Variants in ABR observed in about 807,000 individuals in gnomAD.
ABR encodes ABR activator of RhoGEF and GTPase.
A neutral mutation model predicts 107.2 loss-of-function variants in ABR; 35 were observed. The ratio of observed to expected loss-of-function variants is 0.33; its 90% CI spans 0.25 to 0.43. The LOEUF (loss-of-function observed/expected upper bound fraction) is 0.43, where lower values mean the gene tolerates loss of function less well. Ranked by LOEUF, ABR falls within the 20% of genes least tolerant of loss-of-function variation. ABR has a pLI of 1.00. For synonymous variants in ABR, 498 were observed against 462.0 expected (o/e 1.08, Z -1.00); for missense variants, 815 against 1,115.2 (o/e 0.73, Z 3.83).
intron 3 of ABR, 30 bp from the exon 4 acceptor site, chr17:1,091,880 G>A (rs374178328): frequency 1.9e-6 from 3 of 1,597,812 alleles, no homozygotes; most frequent in South Asian, 2.3e-5. Context: ...AAAGAGCAGA[G>A]GTCGGGGGTA....
chr17:1,175,036 A>G (rs1252731375), intron 1 of ABR, among the ~76,000 whole-genome samples: 1 of 152,162 alleles, frequency 6.6e-6, no homozygotes. Flanking sequence ...AATAAAAATA[A>G]AAAAATAAAA....
chr17:1,017,403 A>G (rs890555908), intron 16 of ABR, among the ~76,000 whole-genome samples: 2 of 151,758 alleles, frequency 1.3e-5, no homozygotes, highest in Admixed American at 6.6e-5. Context: ...GGAGGAATCA[A>G]ATGCTCTTTG....
At chr17:1,193,682 G>A (rs956704114) in intron 1 of ABR, among the ~76,000 whole-genome samples, 5 of 152,024 alleles carry the variant, frequency 3.3e-5, no homozygotes, top group Non-Finnish European at 7.4e-5. Flanking sequence ...AGCCCTTTTT[G>A]TTTGTGTGTT....
chr17:1,100,591 C>T, intron 3 of ABR, 46 bp downstream of exon 3: 1 of 1,577,430 alleles, frequency 6.3e-7, no homozygotes, highest in Non-Finnish European at 8.7e-7. Context: ...CATCACCCAA[C>T]ACGGGCGGGG....
intron 6 of ABR, among the ~76,000 whole-genome samples, chr17:1,074,329 C>T (rs2035523605): frequency 6.6e-6 from 1 of 150,868 alleles, no homozygotes; most frequent in Admixed American, 6.6e-5. Flanking sequence ...TCTAGCACAC[C>T]TGCCACATGC....
At position 1,179,612 on chromosome 17, in the gene ABR, CATCCTGGGGTCCCGATCCCG is replaced by C. The variant is rs1346391437; in HGVS notation, c.61+35_61+54del. 1,194 of 1,443,146 alleles carry C rather than the reference CATCCTGGGGTCCCGATCCCG, an allele frequency of 8.3e-4. 7 individuals are homozygous for C. The African/African-American group carries it at 0.015, about 18-fold the overall frequency. 89.4% of individuals were successfully genotyped at this position (1,443,146 alleles called of 1,614,324 possible). ...ATCCCGATCCTGGGGTCCCGATCTC[CATCCTGGGGTCCCGATCCCG>C]ATCCTGGGGTCCCGCCCCCGCCCGG... On this transcript the variant is annotated intron_variant, in intron 1 of 22. Coordinates refer to ENST00000302538, the MANE Select transcript of ABR (RefSeq NM_021962.5). The surrounding 1 kb of genome is among the most constrained non-coding windows in gnomAD (Gnocchi z 4.9).
intron 1 of ABR, among the ~76,000 whole-genome samples, chr17:1,212,313 C>T (rs983826109): frequency 7.9e-5 from 12 of 151,860 alleles, no homozygotes; most frequent in Non-Finnish European, 1.5e-5. Context: ...TGCCTGTGGT[C>T]CCAGCTACTT....
chr17:1,048,297 G>A (rs2031938754), intron 16 of ABR, among the ~76,000 whole-genome samples: 1 of 152,238 alleles, frequency 6.6e-6, no homozygotes, highest in Admixed American at 6.5e-5. Flanking sequence ...GGGCGTATGC[G>A]GCAGAGGCCA....
chr17:1,080,143 T>C (rs956807181), intron 5 of ABR, among the ~76,000 whole-genome samples: 4 of 152,094 alleles, frequency 2.6e-5, no homozygotes, highest in African/African-American at 9.7e-5. Flanking sequence ...AGGGAAGTGG[T>C]GGACCTTCGG....
upstream of ABR, among the ~76,000 whole-genome samples, chr17:1,191,142 AC>A (rs1434743637): frequency 6.6e-6 from 1 of 152,168 alleles, no homozygotes; most frequent in Non-Finnish European, 1.5e-5. Context: ...TGTTCCCGTC[AC>A]CAAAACAAAG....
chr17:1,009,931 C>G lies in ABR; in HGVS notation c.2237-147G>C. 6 of 662,216 alleles carry G rather than the reference C, an allele frequency of 9.1e-6. No individual in the cohort carries two copies. The East Asian group carries it at 1.6e-4, about 18-fold the overall frequency. 41.0% of individuals were successfully genotyped at this position (662,216 alleles called of 1,614,324 possible). ...GACCCCACAGGGGAGGGCCTGGTGTCTGGGTGGGCTGTCAGCAGCTGCTTC... is the reference window on the plus strand; with the variant it reads ...GACCCCACAGGGGAGGGCCTGGTGTGTGGGTGGGCTGTCAGCAGCTGCTTC... On this transcript the variant is annotated intron_variant, in intron 20 of 22. Transcript: ENST00000302538.
chr17:1,023,017 G>GGCCCCACGTCCACTGCAGAGCCTCTGCCT (rs1318712735), intron 16 of ABR, among the ~76,000 whole-genome samples: 4 of 143,628 alleles, frequency 2.8e-5, no homozygotes, highest in Admixed American at 1.3e-4. Flanking sequence ...AGCCTCTGCC[G>GGCCCCACGTCCACTGCAGAGCCTCTGCCT]GCCCCACGTC....
chr17:1,196,908 A>T (rs1043956669), intron 1 of ABR, among the ~76,000 whole-genome samples: 6 of 151,736 alleles, frequency 4.0e-5, no homozygotes, highest in Admixed American at 3.9e-4. Flanking sequence ...GTTAGCCAGG[A>T]TGGTCTCAAT....
chr17:1,029,485 C>T (rs910628203), intron 16 of ABR, among the ~76,000 whole-genome samples: 2 of 152,152 alleles, frequency 1.3e-5, no homozygotes, highest in Non-Finnish European at 2.9e-5. Context: ...CTTTAATGAA[C>T]CTTCAGGTCA....
At chr17:1,079,201 ACACGCT>A (rs927344253) in intron 6 of ABR, 123 bp downstream of exon 6, 21 of 1,490,550 alleles carry the variant, frequency 1.4e-5, no homozygotes, top group Admixed American at 2.0e-5. Context: ...ACGCGCTCAC[ACACGCT>A]CACGCTCACA....
At chr17:1,091,938 C>A in intron 3 of ABR, 88 bp from the exon 4 acceptor site, 2 of 1,369,334 alleles carry the variant, frequency 1.5e-6, no homozygotes, top group Non-Finnish European at 2.0e-6. Flanking sequence ...TTAGCCCTTC[C>A]CGCTGCCCAA....
rs1352313937 is a variant in ABR at position 1,210,798 on chromosome 17, C to T, written c.838+17995G>A. On this transcript the variant is annotated intron_variant, in intron 1 of 22. Transcript: ENST00000574139. This position sits in a 1 kb window ranked among gnomAD's most constrained non-coding sequence, Gnocchi z 5.6. Reference sequence around the variant, plus strand: ...ATGCTTTGCTTAGACCAACCTTAGCCTCTTAAGGACATTTAGAACCGTATT... The same window carrying T: ...ATGCTTTGCTTAGACCAACCTTAGCTTCTTAAGGACATTTAGAACCGTATT... Among the ~76,000 whole-genome samples the T allele has an allele frequency of 6.6e-6, 1 of 152,218 alleles. No individual in the cohort carries two copies. The highest frequency in any genetic ancestry group is 1.9e-4 in the East Asian group (1 of 5,202).
chr17:1,152,911 C>G (rs536017854), intron 1 of ABR, among the ~76,000 whole-genome samples: 2 of 152,148 alleles, frequency 1.3e-5, no homozygotes, highest in Admixed American at 1.3e-4. Context: ...CTGGCCAACA[C>G]AGTGAAACCT....
intron 16 of ABR, among the ~76,000 whole-genome samples, chr17:1,015,038 T>A (rs893846383): frequency 1.3e-5 from 2 of 152,160 alleles, no homozygotes; most frequent in African/African-American, 4.8e-5. Context: ...CTGTATACAT[T>A]GAAAACAAAA....
Sources: allele counts gnomAD v4.1 joint callset (sites outside exome capture counted in the v4.1 genomes callset), GRCh38; gene constraint gnomAD v4.1.1; non-coding constraint Gnocchi (gnomAD v3.1); transcripts MANE v1.5; gene names NCBI Gene and HGNC (gene_info 2026-07-23, HGNC 2026-07-21).